The following PRDM16 variants were observed in gnomAD, a reference collection of about 807,000 sequenced individuals.
The protein encoded by PRDM16 is histone-lysine N-methyltransferase PRDM16.
A neutral mutation model predicts 110.6 loss-of-function variants in PRDM16; 23 were observed. The ratio of observed to expected loss-of-function variants is 0.21; its 90% confidence interval spans 0.15 to 0.29. PRDM16 has a LOEUF of 0.29. Among genes scored for constraint, PRDM16 ranks in the 10% least tolerant of loss-of-function variants. The pLI is 1.00. For missense variants in PRDM16, 1,615 were observed against 1,794.3 expected (o/e 0.90, Z 1.81); for synonymous variants, 799 against 781.8 (o/e 1.02, Z -0.37).
chr1:3,319,243 G>A (rs1368025748), intron 3 of PRDM16, among the ~76,000 whole-genome samples: 2 of 152,182 alleles, frequency 1.3e-5, no homozygotes, highest in Non-Finnish European at 2.9e-5. Context: ...TGATGTGAGG[G>A]ATCATTGGGT....
At chr1:3,151,315 CG>C (rs1557486195) in intron 1 of PRDM16, among the ~76,000 whole-genome samples, 1 of 152,156 alleles carries the variant, frequency 6.6e-6, no homozygotes, top group East Asian at 1.9e-4. Context: ...GGGTCCTTTT[CG>C]GGGGCTCTTC....
intron 3 of PRDM16, among the ~76,000 whole-genome samples, chr1:3,381,572 G>A (rs1557643525): frequency 6.6e-6 from 1 of 152,002 alleles, no homozygotes; most frequent in Non-Finnish European, 1.5e-5. Flanking sequence ...TGTATTTTTA[G>A]TAGAGACGGG....
chr1:3,428,734 CCT>C (rs1182506533), intron 14 of PRDM16, among the ~76,000 whole-genome samples: 3 of 152,206 alleles, frequency 2.0e-5, no homozygotes, highest in Admixed American at 2.0e-4. Flanking sequence ...CCCGTGAACC[CCT>C]GAGTTGAATC....
chr1:3,275,951 C>G (rs148176158), intron 3 of PRDM16, among the ~76,000 whole-genome samples: 1 of 152,228 alleles, frequency 6.6e-6, no homozygotes, highest in African/African-American at 2.4e-5. Flanking sequence ...CCCAGCTGCG[C>G]CCTGTGGGTC....
intron 1 of PRDM16, among the ~76,000 whole-genome samples, chr1:3,162,553 C>CGGGCTAAATGATT: frequency 6.6e-6 from 1 of 152,150 alleles, no homozygotes; most frequent in African/African-American, 2.4e-5. Context: ...ATTTATTAAC[C>CGGGCTAAATGATT]CCCTTTCCCT....
intron 15 of PRDM16, among the ~76,000 whole-genome samples, chr1:3,431,359 A>G (rs975745442): frequency 7.2e-6 from 1 of 139,234 alleles, no homozygotes; most frequent in East Asian, 2.5e-4. Context: ...AGGGGAAGGC[A>G]TTTCCCTGCA....
Position 3,430,894 on chromosome 1 carries a change from G to A in PRDM16, c.3307G>A (p.Gly1103Ser), listed in dbSNP as rs780612473. 73 of 1,614,002 alleles carry A rather than the reference G, an allele frequency of 4.5e-5. No homozygotes were observed. Among genetic ancestry groups the A allele is most frequent in the East Asian group, 4.5e-5 (2 of 44,886 alleles). Residue 1103 changes from glycine to serine, a missense_variant, in exon 15 of 17, where the codon GGC becomes AGC. Gly to Ser is a moderately conservative substitution (Grantham distance 56). Around this residue, in one of 5 missense-constraint regions of PRDM16, gnomAD observed 327 missense variants for 359.3 expected, o/e 0.91. Transcript: ENST00000270722. ...EKRADMQIVD[G>S]SAQCPGLASE... The stretch of plus-strand genomic sequence containing the variant: ...CAGGGCGGACATGCAGATCGTGGAC[G>A]GCAGTGCCCAGTGTCCAGGCCTAGC...
At chr1:3,183,904 G>A (rs568473843) in intron 1 of PRDM16, among the ~76,000 whole-genome samples, 1 of 152,204 alleles carries the variant, frequency 6.6e-6, no homozygotes, top group African/African-American at 2.4e-5. Context: ...GAGTTAAGGA[G>A]CGCGTCGAGG....
intron 3 of PRDM16, among the ~76,000 whole-genome samples, chr1:3,326,723 T>G (rs1054927531): frequency 8.5e-5 from 13 of 152,230 alleles, no homozygotes; most frequent in Admixed American, 7.2e-4. Context: ...CCACAGGCAG[T>G]GGCTTTCAGG....
intron 1 of PRDM16, among the ~76,000 whole-genome samples, chr1:3,096,622 C>T (rs1484956640): frequency 1.3e-5 from 2 of 152,128 alleles, no homozygotes; most frequent in African/African-American, 4.8e-5. Flanking sequence ...GTTGAAAGGT[C>T]GTGAGGGAGG....
intron 1 of PRDM16, among the ~76,000 whole-genome samples, chr1:3,079,161 C>T (rs915432012): frequency 3.3e-5 from 5 of 152,254 alleles, no homozygotes; most frequent in African/African-American, 1.2e-4. Context: ...GGAATCTCCG[C>T]CGCTGCCCGG....
chr1:3,136,153 AC>A (rs1643434114), intron 1 of PRDM16, among the ~76,000 whole-genome samples: 1 of 151,822 alleles, frequency 6.6e-6, no homozygotes, highest in Non-Finnish European at 1.5e-5. Context: ...CCATGGGACC[AC>A]CAGCTTTGGG....
chr1:3,173,293 G>A (rs532630229), intron 1 of PRDM16, among the ~76,000 whole-genome samples: 2 of 152,358 alleles, frequency 1.3e-5, no homozygotes, highest in African/African-American at 2.4e-5. Flanking sequence ...CTTTTTACCC[G>A]GAACAAGGCT....
intron 1 of PRDM16, among the ~76,000 whole-genome samples, chr1:3,170,289 G>A (rs71503050): frequency 2.6e-5 from 4 of 152,176 alleles, no homozygotes; most frequent in Non-Finnish European, 4.4e-5. Flanking sequence ...GAGATCCCCC[G>A]CTCCAGGCCT....
intron 1 of PRDM16, among the ~76,000 whole-genome samples, chr1:3,074,729 T>C (rs1557427475): frequency 6.6e-6 from 1 of 152,184 alleles, no homozygotes; most frequent in Non-Finnish European, 1.5e-5. Context: ...GAGGCTCAGG[T>C]TGGCCCGGGA....
intron 1 of PRDM16, among the ~76,000 whole-genome samples, chr1:3,136,559 G>A (rs564901909): frequency 1.8e-4 from 28 of 152,282 alleles, no homozygotes; most frequent in Admixed American, 2.6e-4. Context: ...GGTCCACAGG[G>A]GCTCTGGGCC....
chr1:3,246,811 C>T lies in PRDM16; in HGVS notation c.438+2674C>T, dbSNP rs537696998. On this transcript the variant is annotated intron_variant, in intron 3 of 16. Coordinates refer to ENST00000270722, the MANE Select transcript of PRDM16 (RefSeq NM_022114.4). The surrounding 1 kb of genome is among the most constrained non-coding windows in gnomAD (Gnocchi z 5.2). Reference sequence around the variant, plus strand: ...ACATTTCTAGGCACTCTCGGGGAGCCGGGGGGGTTGGGGCTGAGAGACTGA... The same window carrying T: ...ACATTTCTAGGCACTCTCGGGGAGCTGGGGGGGTTGGGGCTGAGAGACTGA... Among the ~76,000 whole-genome samples the T allele has an allele frequency of 1.3e-5, 2 of 152,064 alleles. No homozygotes were observed. Among genetic ancestry groups the T allele is most frequent in the South Asian group, 4.2e-4 (2 of 4,792 alleles).
chr1:3,075,570 A>G (rs1570202265), intron 1 of PRDM16, among the ~76,000 whole-genome samples: 1 of 152,262 alleles, frequency 6.6e-6, no homozygotes, highest in Non-Finnish European at 1.5e-5. Context: ...GGAAAAAAAT[A>G]TATTATGGCT....
At chr1:3,123,546 A>G (rs1643141286) in intron 1 of PRDM16, among the ~76,000 whole-genome samples, 1 of 152,206 alleles carries the variant, frequency 6.6e-6, no homozygotes, top group Non-Finnish European at 1.5e-5. Context: ...CACAGATTGC[A>G]GAGTCCCACT....
Sources: allele counts gnomAD v4.1 joint callset (sites outside exome capture counted in the v4.1 genomes callset), GRCh38; gene constraint gnomAD v4.1.1; regional missense constraint gnomAD v4.1.1; non-coding constraint Gnocchi (gnomAD v3.1); transcripts MANE v1.5; gene names NCBI Gene and HGNC (gene_info 2026-07-23, HGNC 2026-07-21).